NEXMIF: variants seen among roughly 807,000 people sequenced by gnomAD.
NEXMIF encodes the protein XLMR protein related to neurite extension.
In NEXMIF, 8 loss-of-function variants were observed where a neutral mutation model predicts 62.1. That is an observed-to-expected ratio of 0.13 (90% CI 0.08 to 0.23). NEXMIF has a LOEUF of 0.23. NEXMIF is among the 10% of genes least tolerant of loss of function. The pLI, the probability that NEXMIF is intolerant of heterozygous loss-of-function variation, is 1.00. For missense variants in NEXMIF, 976 were observed against 1,113.3 expected (o/e 0.88, Z 1.75); for synonymous variants, 404 against 416.6 (o/e 0.97, Z 0.37).
At position 74,920,700 on chromosome X, in the gene NEXMIF, C is replaced by T. The variant is rs529671274; in HGVS notation, c.-48+4183G>A. ...GGTGTTTTAGACATGAAGTCCTTGC[C>T]CATGCCTATGTCCTGAATGGTAATG... On this transcript the variant is annotated intron_variant, in intron 1 of 3. Transcript: ENST00000055682. Among the ~76,000 whole-genome samples, 3 of 111,653 alleles carry T rather than the reference C, an allele frequency of 2.7e-5. No homozygotes were observed. In the South Asian group the frequency reaches 1.1e-3, roughly 42 times the overall value.
At chrX:74,866,892 G>A (rs1261663236) in intron 1 of NEXMIF, among the ~76,000 whole-genome samples, 2 of 112,230 alleles carry the variant, frequency 1.8e-5, no homozygotes, top group Non-Finnish European at 3.8e-5. Context: ...AAACTACCCA[G>A]TCTCGGGTAT....
In NEXMIF at chrX:74,742,194, A is replaced by G. The variant is rs894871556; in HGVS notation, c.2363T>C (p.Leu788Pro). ...CATTTCAGAAGAGCATGTCGTTGGT[A>G]GAAAAGTGGAACTCTTAGCAGCCTT... is the stretch of plus-strand genomic sequence containing the variant. ...EAKAAKSSTFLPTTCSSEMPL... is the reference protein window; with the variant it reads ...EAKAAKSSTFPPTTCSSEMPL... Residue 788 changes from leucine (L) to proline (P), a missense_variant, in exon 3 of 4, where the codon CTA (leucine) becomes CCA (proline). By Grantham distance (98) the Leu-to-Pro change is moderately conservative (BLOSUM62 -3). Coordinates refer to ENST00000055682, the MANE Select transcript of NEXMIF (RefSeq NM_001008537.3). 3 of 1,209,933 alleles carry G rather than the reference A, an allele frequency of 2.5e-6. No homozygotes were observed. Among genetic ancestry groups the G allele is most frequent in the Admixed American group, 2.2e-5 (1 of 45,736 alleles).
intron 1 of NEXMIF, among the ~76,000 whole-genome samples, chrX:74,920,408 G>C (rs867431294): frequency 8.9e-6 from 1 of 112,063 alleles, no homozygotes; most frequent in African/African-American, 3.2e-5. Context: ...GTGTCTTCTG[G>C]CTGCATAAAT....
Position 74,888,254 on chromosome X carries a change from C to T in NEXMIF, c.-48+36629G>A, listed in dbSNP as rs150369424. ...TGTATACATATGTAACAAACCTTCACGTTGTGCACATGTACCCTAAAACTT... is the reference window on the plus strand; with the variant it reads ...TGTATACATATGTAACAAACCTTCATGTTGTGCACATGTACCCTAAAACTT... On this transcript the variant is annotated intron_variant, in intron 1 of 3. Transcript: ENST00000055682. Among the ~76,000 whole-genome samples, 879 of 107,081 alleles carry T rather than the reference C, an allele frequency of 8.2e-3. 14 individuals are homozygous for T. Among genetic ancestry groups the T allele is most frequent in the African/African-American group, 0.029 (844 of 29,228 alleles). 93.0% of individuals were successfully genotyped at this position (107,081 alleles called of 115,157 possible).
Position 74,875,674 on chromosome X carries a change from G to A in NEXMIF, c.-48+49209C>T, listed in dbSNP as rs143064709. 4.6e-3 allele frequency among the ~76,000 whole-genome samples: 509 copies of A among 111,633 alleles called. 1 individual carries two copies. Among genetic ancestry groups the A allele is most frequent in the African/African-American group, 0.016 (479 of 30,718 alleles). Reference sequence around the variant, plus strand: ...TTGATTATTGCTACAATTTCCGAGCGTGTTATTGGTCTATTCAGAGATTCA... The same window carrying A: ...TTGATTATTGCTACAATTTCCGAGCATGTTATTGGTCTATTCAGAGATTCA... On this transcript the variant is annotated intron_variant, in intron 1 of 3. Coordinates refer to ENST00000055682, the MANE Select transcript of NEXMIF (RefSeq NM_001008537.3).
chrX:74,850,099 C>A (rs181662965), intron 1 of NEXMIF, among the ~76,000 whole-genome samples: 42 of 111,921 alleles, frequency 3.8e-4, no homozygotes, highest in Non-Finnish European at 6.0e-4. Flanking sequence ...GAGCATGCCA[C>A]CTGGAGGCCT....
intron 1 of NEXMIF, among the ~76,000 whole-genome samples, chrX:74,878,896 C>A (rs1289326037): frequency 8.9e-6 from 1 of 112,599 alleles, no homozygotes; most frequent in African/African-American, 3.2e-5. Flanking sequence ...GTCTGGCACT[C>A]CCAATGAGAT....
In NEXMIF at chrX:74,851,379, T is replaced by G. The variant is rs762521755; in HGVS notation, c.-48+73504A>C. ...CATCCAGACACAGGAAGCTCAGAGATCTCCAAATACATATCGTCTAAAAAG... is the reference window on the plus strand; with the variant it reads ...CATCCAGACACAGGAAGCTCAGAGAGCTCCAAATACATATCGTCTAAAAAG... On this transcript the variant is annotated intron_variant, in intron 1 of 3. Coordinates refer to ENST00000055682, the MANE Select transcript of NEXMIF (RefSeq NM_001008537.3). 2.2e-4 allele frequency among the ~76,000 whole-genome samples: 24 copies of G among 110,868 alleles called. 1 individual carries two copies. The South Asian group carries it at 6.1e-3, about 28-fold the overall frequency.
intron 1 of NEXMIF, among the ~76,000 whole-genome samples, chrX:74,878,485 G>A (rs947730697): frequency 2.0e-4 from 23 of 112,858 alleles, no homozygotes; most frequent in African/African-American, 6.1e-4. Flanking sequence ...TACAGAGGCA[G>A]GCAGGCCTCC....
intron 1 of NEXMIF, among the ~76,000 whole-genome samples, chrX:74,878,344 G>A (rs945144790): frequency 2.1e-4 from 23 of 112,102 alleles, no homozygotes; most frequent in African/African-American, 6.5e-4. Context: ...CAGTCTGCCC[G>A]TTCTCAGATC....
intron 1 of NEXMIF, among the ~76,000 whole-genome samples, chrX:74,859,091 A>G (rs936684331): frequency 4.5e-5 from 5 of 111,326 alleles, no homozygotes; most frequent in African/African-American, 1.6e-4. Flanking sequence ...GGTGAGGTAG[A>G]AAGTTTATTC....
At position 74,835,832 on chromosome X, in the gene NEXMIF, T is replaced by C. The variant is rs188129384; in HGVS notation, c.-48+89051A>G. Among the ~76,000 whole-genome samples the C allele has an allele frequency of 3.2e-3, 363 of 112,023 alleles. 2 individuals carry two copies. Among genetic ancestry groups the C allele is most frequent in the African/African-American group, 0.011 (346 of 30,849 alleles). ...CAGCAGGTGGCAAAGTCAGACTGTT[T>C]GGTGTCCTTCCCTTCAGGGTGACAA... On this transcript the variant is annotated intron_variant, in intron 1 of 3. Transcript: ENST00000055682.
intron 1 of NEXMIF, among the ~76,000 whole-genome samples, chrX:74,876,168 C>G (rs1201998147): frequency 9.0e-6 from 1 of 110,863 alleles, no homozygotes; most frequent in African/African-American, 3.3e-5. Flanking sequence ...TTGAATGTGT[C>G]CCAGAGATTC....
chrX:74,849,792 C>T (rs1333701451), intron 1 of NEXMIF, among the ~76,000 whole-genome samples: 1 of 112,350 alleles, frequency 8.9e-6, no homozygotes, highest in Non-Finnish European at 1.9e-5. Flanking sequence ...CTGATGCTGC[C>T]AGGGCTGAAG....
intron 1 of NEXMIF, among the ~76,000 whole-genome samples, chrX:74,858,155 C>T (rs147346039): frequency 1.5e-4 from 17 of 111,614 alleles, no homozygotes; most frequent in African/African-American, 4.9e-4. Flanking sequence ...TAGAGCTCTG[C>T]GACCTTAAGA....
At chrX:74,823,337 G>A (rs769566824) in intron 1 of NEXMIF, among the ~76,000 whole-genome samples, 6 of 111,379 alleles carry the variant, frequency 5.4e-5, no homozygotes, top group Non-Finnish European at 1.1e-4. Flanking sequence ...CCTTATACGA[G>A]TGAATTGTAT....
chrX:74,887,379 GA>G (rs1201566545), intron 1 of NEXMIF, among the ~76,000 whole-genome samples: 1 of 111,047 alleles, frequency 9.0e-6, no homozygotes, highest in Non-Finnish European at 1.9e-5. Context: ...CAGAATGGGA[GA>G]AAATTTTTGC....
intron 1 of NEXMIF, among the ~76,000 whole-genome samples, chrX:74,831,259 T>C (rs201847215): frequency 5.4e-5 from 6 of 110,622 alleles, no homozygotes; most frequent in Non-Finnish European, 1.1e-4. Context: ...TTGTTACATA[T>C]GTATACATGT....
chrX:74,796,124 T>TTTATATATAATATATATATTATATATATA (rs2080306123), intron 1 of NEXMIF, among the ~76,000 whole-genome samples: 12 of 78,087 alleles, frequency 1.5e-4, no homozygotes, highest in African/African-American at 4.5e-4. Context: ...TATATATATA[T>TTTATATATAATATATATATTATATATATA]TTATATATAA....
Sources: allele counts gnomAD v4.1 joint callset (sites outside exome capture counted in the v4.1 genomes callset), GRCh38; gene constraint gnomAD v4.1.1; transcripts MANE v1.5; gene names NCBI Gene and HGNC (gene_info 2026-07-23, HGNC 2026-07-21).